The following ARMC2 variants were observed in gnomAD, a reference collection of about 807,000 sequenced individuals.
ARMC2 encodes the protein armadillo repeat containing 2, also known as armadillo repeat-containing protein 2.
A neutral mutation model predicts 90.3 loss-of-function variants in ARMC2; 67 were observed. That is an observed-to-expected ratio of 0.74 (90% CI 0.61 to 0.91). The LOEUF (loss-of-function observed/expected upper bound fraction) is 0.91, where lower values mean the gene tolerates loss of function less well. ARMC2 is among the 40% of genes least tolerant of loss of function. The pLI is 0.00. For synonymous variants in ARMC2, 393 were observed against 393.0 expected (o/e 1.00, Z 0.00); for missense variants, 920 against 1,030.9 (o/e 0.89, Z 1.47).
chr6:108,862,608 C>T (rs1197057577), intron 3 of ARMC2, among the ~76,000 whole-genome samples: 2 of 152,028 alleles, frequency 1.3e-5, no homozygotes, highest in African/African-American at 4.8e-5. Flanking sequence ...TTTTAAAGAA[C>T]TCTTTGCCTC....
the ARMC2 span, among the ~76,000 whole-genome samples, chr6:109,006,227 C>T: frequency 6.6e-6 from 1 of 152,108 alleles, no homozygotes; most frequent in Non-Finnish European, 1.5e-5. Context: ...TAGATTAATC[C>T]TTACCTTAAT....
intron 13 of ARMC2, among the ~76,000 whole-genome samples, chr6:108,959,203 A>G (rs1451463388): frequency 6.6e-6 from 1 of 152,182 alleles, no homozygotes; most frequent in Non-Finnish European, 1.5e-5. Context: ...CGGAAGGAAC[A>G]GTGTATGTCT....
intron 5 of ARMC2, among the ~76,000 whole-genome samples, chr6:108,884,755 C>T (rs1406546537): frequency 6.6e-6 from 1 of 152,098 alleles, no homozygotes; most frequent in African/African-American, 2.4e-5. Flanking sequence ...AAAGGTGCAC[C>T]ACTGAGAGGT....
chr6:108,928,114 T>TAACC lies in ARMC2; in HGVS notation c.1377_1378insAACC (p.Asp460AsnfsTer9). On this transcript the variant is annotated frameshift_variant, in exon 11 of 18. Coordinates refer to ENST00000392644, the MANE Select transcript of ARMC2 (RefSeq NM_032131.6). LOFTEE classifies it high-confidence loss of function. ...TGACTGCTACATTGAGAAACTTGGTTGATTCATCATTAGTAAGAAGTAAGT... is the reference window on the plus strand; with the variant it reads ...TGACTGCTACATTGAGAAACTTGGTTAACCGATTCATCATTAGTAAGAAGTAAGT... 6.2e-7 allele frequency: 1 copy of TAACC among 1,607,996 alleles called. No individual in the cohort carries two copies. Among genetic ancestry groups the TAACC allele is most frequent in the Non-Finnish European group, 8.5e-7 (1 of 1,178,310 alleles).
chr6:109,009,416 CA>C, the ARMC2 span: 2 of 1,455,110 alleles, frequency 1.4e-6, no homozygotes, highest in Non-Finnish European at 9.0e-7. Context: ...CCGAGACCGC[CA>C]AAGGGGCCGT....
At chr6:108,895,482 CAA>C (rs58785510) in intron 6 of ARMC2, among the ~76,000 whole-genome samples, 4 of 100,286 alleles carry the variant, frequency 4.0e-5, no homozygotes, top group Admixed American at 1.1e-4. Context: ...AGACTCATCT[CAA>C]AAAAAAAAAA....
At chr6:109,047,053 C>G in the ARMC2 span, among the ~76,000 whole-genome samples, 3 of 1,956 alleles carry the variant, frequency 1.5e-3, no homozygotes, top group Admixed American at 4.6e-3. Flanking sequence ...GGGGGTCAGC[C>G]CTCCACCCGG....
At chr6:108,992,870 C>T in the ARMC2 span, 1 of 1,613,178 alleles carries the variant, frequency 6.2e-7, no homozygotes, top group Non-Finnish European at 8.5e-7. Context: ...TGACGAGATA[C>T]AGCTCTTGCT....
chr6:108,985,341 G>C, the ARMC2 span, among the ~76,000 whole-genome samples: 1 of 152,030 alleles, frequency 6.6e-6, no homozygotes, highest in Non-Finnish European at 1.5e-5. Flanking sequence ...ATCTTCTCAT[G>C]ATTATTTTAG....
chr6:108,918,120 G>A (rs1169448764), intron 10 of ARMC2, among the ~76,000 whole-genome samples: 1 of 152,136 alleles, frequency 6.6e-6, no homozygotes. Context: ...GATGGTTGAA[G>A]GCAGAAAGAC....
At position 108,899,686 on chromosome 6, in the gene ARMC2, T is replaced by C. The variant is rs758935425; in HGVS notation, c.749-8T>C. On this transcript the variant is annotated splice_region_variant and splice_polypyrimidine_tract_variant and intron_variant, in intron 6 of 17. Coordinates refer to ENST00000392644, the MANE Select transcript of ARMC2 (RefSeq NM_032131.6). ...AGCTTTTTCTCCTGCTCTGGATTTC[T>C]TTTGCAGTCCCAAAAGCTGACCTGC... 6 of 1,610,940 alleles carry C rather than the reference T, an allele frequency of 3.7e-6. No homozygotes were observed. The South Asian group carries it at 6.6e-5, about 18-fold the overall frequency.
intron 2 of ARMC2, among the ~76,000 whole-genome samples, chr6:108,856,974 T>C (rs917395291): frequency 1.3e-5 from 2 of 152,252 alleles, no homozygotes; most frequent in Admixed American, 6.5e-5. Context: ...ATTGTAGCTT[T>C]ATAATATGTC....
chr6:109,012,954 A>C, the ARMC2 span, among the ~76,000 whole-genome samples: 1 of 149,646 alleles, frequency 6.7e-6, no homozygotes, highest in East Asian at 1.9e-4. Flanking sequence ...TCTCTACTGA[A>C]AATACAAAAA....
At chr6:108,994,904 C>T in the ARMC2 span, among the ~76,000 whole-genome samples, 3 of 151,884 alleles carry the variant, frequency 2.0e-5, no homozygotes, top group African/African-American at 7.3e-5. Context: ...GGGGTTTCAC[C>T]GTGTTAGCCA....
the ARMC2 span, among the ~76,000 whole-genome samples, chr6:108,991,072 A>AC: frequency 4.7e-4 from 69 of 147,414 alleles, no homozygotes; most frequent in African/African-American, 1.7e-3. Flanking sequence ...ATCTCAAAAA[A>AC]AAACAACAAC....
the ARMC2 span, among the ~76,000 whole-genome samples, chr6:109,040,349 G>A: frequency 6.6e-6 from 1 of 152,116 alleles, no homozygotes; most frequent in Admixed American, 6.5e-5. Flanking sequence ...TTTAGGGGGA[G>A]TAATAATAAA....
chr6:108,872,587 T>A (rs1562336924), intron 4 of ARMC2, among the ~76,000 whole-genome samples: 2 of 152,206 alleles, frequency 1.3e-5, no homozygotes, highest in African/African-American at 4.8e-5. Context: ...GAACAGCCAG[T>A]GGAGCCTGAG....
the ARMC2 span, among the ~76,000 whole-genome samples, chr6:109,041,943 T>G: frequency 6.6e-6 from 1 of 152,134 alleles, no homozygotes; most frequent in Non-Finnish European, 1.5e-5. Context: ...GAATACATCA[T>G]GGCCATAAAA....
chr6:108,965,928 C>T (rs1352553879), intron 17 of ARMC2, among the ~76,000 whole-genome samples: 2 of 151,512 alleles, frequency 1.3e-5, no homozygotes, highest in Non-Finnish European at 2.9e-5. Flanking sequence ...GCTGGGATTA[C>T]TGGTGTGAAC....
Sources: gnomAD v4.1 joint callset for allele counts (sites outside exome capture counted in the v4.1 genomes callset) on GRCh38, gnomAD v4.1.1 for gene constraint, MANE v1.5 for transcripts, NCBI Gene and HGNC (gene_info 2026-07-23, HGNC 2026-07-21) for gene names.